Variants in ZNF366 observed in about 807,000 individuals in gnomAD.
ZNF366 encodes the protein dendritic cell-specific transcript protein.
Under a neutral mutation model 47.2 loss-of-function variants are expected in ZNF366, and 20 were observed. The observed-to-expected ratio is 0.42, with a 90% confidence interval of 0.30 to 0.62. The LOEUF (loss-of-function observed/expected upper bound fraction) is 0.62. ZNF366 is among the 20% of genes least tolerant of loss of function. The pLI is 0.16. For missense variants in ZNF366, 987 were observed against 976.3 expected (o/e 1.01, Z -0.15); for synonymous variants, 421 against 395.1 (o/e 1.07, Z -0.78).
intron 2 of ZNF366, 144 bp downstream of exon 2, chr5:72,460,021 G>A (rs548877924): frequency 1.7e-6 from 2 of 1,146,754 alleles, no homozygotes; most frequent in Non-Finnish European, 1.2e-6. Context: ...CTCAGGGCTC[G>A]GCCAAGGGAC....
At chr5:72,493,130 T>C (rs773964267) in intron 1 of ZNF366, among the ~76,000 whole-genome samples, 4 of 152,232 alleles carry the variant, frequency 2.6e-5, no homozygotes, top group African/African-American at 4.8e-5. Context: ...ACTGCCCTTA[T>C]TCCTACTTCA....
chr5:72,494,583 G>A (rs1257536015), intron 1 of ZNF366, among the ~76,000 whole-genome samples: 1 of 151,284 alleles, frequency 6.6e-6, no homozygotes, highest in Non-Finnish European at 1.5e-5. Context: ...GGGAAATTCA[G>A]CTCCTTTAAA....
chr5:72,446,690 G>A (rs1742966862), intron 4 of ZNF366, among the ~76,000 whole-genome samples: 1 of 152,166 alleles, frequency 6.6e-6, no homozygotes, highest in East Asian at 1.9e-4. Context: ...TTGTGAACAA[G>A]TAGGAAAGAC....
chr5:72,501,217 T>C (rs574511606), intron 1 of ZNF366, among the ~76,000 whole-genome samples: 21 of 152,284 alleles, frequency 1.4e-4, no homozygotes, highest in Non-Finnish European at 2.8e-4. Context: ...TAAATCACTC[T>C]CCCATTTAGT....
At chr5:72,458,878 C>T (rs1743246093) in intron 2 of ZNF366, among the ~76,000 whole-genome samples, 8 of 152,174 alleles carry the variant, frequency 5.3e-5, no homozygotes, top group Admixed American at 5.2e-4. Context: ...CTGTTTCTCC[C>T]ATTTTGACTT....
At chr5:72,466,557 G>C (rs1743433364) in intron 1 of ZNF366, among the ~76,000 whole-genome samples, 2 of 152,180 alleles carry the variant, frequency 1.3e-5, no homozygotes, top group Non-Finnish European at 2.9e-5. Flanking sequence ...GTGAAGACAG[G>C]GACTGGATCT....
chr5:72,482,835 T>C (rs1471614200), intron 1 of ZNF366, among the ~76,000 whole-genome samples: 1 of 151,468 alleles, frequency 6.6e-6, no homozygotes, highest in Non-Finnish European at 1.5e-5. Flanking sequence ...TTTAAGAAAA[T>C]CTGGCACTGT....
intron 3 of ZNF366, 122 bp from the exon 4 acceptor site, chr5:72,447,539 G>A (rs1742985036): frequency 1.7e-6 from 2 of 1,186,746 alleles, no homozygotes. Flanking sequence ...TGCTTGCAAG[G>A]AAAATGTCCA....
chr5:72,447,128 A>T, intron 4 of ZNF366, 115 bp downstream of exon 4: 1 of 1,169,452 alleles, frequency 8.6e-7, no homozygotes, highest in Non-Finnish European at 1.2e-6. Context: ...TACTCTTGCT[A>T]CTCTGCTGTG....
At chr5:72,491,170 T>A (rs1744001123) in intron 1 of ZNF366, among the ~76,000 whole-genome samples, 1 of 152,220 alleles carries the variant, frequency 6.6e-6, no homozygotes, top group Admixed American at 6.5e-5. Context: ...CAAGTTGGCC[T>A]AGTACAAGTT....
At chr5:72,473,309 T>A (rs903696047) in intron 1 of ZNF366, among the ~76,000 whole-genome samples, 1 of 152,186 alleles carries the variant, frequency 6.6e-6, no homozygotes, top group Non-Finnish European at 1.5e-5. Flanking sequence ...CTGTACCCAC[T>A]TGGTGCTGGT....
At chr5:72,495,644 G>T (rs905531101) in intron 1 of ZNF366, among the ~76,000 whole-genome samples, 1 of 152,190 alleles carries the variant, frequency 6.6e-6, no homozygotes, top group Non-Finnish European at 1.5e-5. Flanking sequence ...TGACATGCTG[G>T]CAGGGAAAGA....
At chr5:72,450,694 T>C (rs939207147) in intron 3 of ZNF366, among the ~76,000 whole-genome samples, 2 of 152,166 alleles carry the variant, frequency 1.3e-5, no homozygotes, top group Non-Finnish European at 2.9e-5. Flanking sequence ...GGTAGGTACT[T>C]AGCTTCTTCC....
chr5:72,456,452 G>A lies in ZNF366; in HGVS notation c.1476C>T (p.Leu492=). 1 of 1,613,712 alleles carries A rather than the reference G, an allele frequency of 6.2e-7. No homozygotes were observed. The highest frequency in any genetic ancestry group is 8.5e-7 in the Non-Finnish European group (1 of 1,179,662). Residue 492 remains leucine, a synonymous_variant, in exon 3 of 5, where the codon CTC becomes CTT. Transcript: ENST00000318442. The part of the protein sequence containing the change: ...CYKSFVQKQT[L]KAHMIVHSDV... ...CAGAGTGGACGATCATGTGTGCCTT[G>A]AGGGTCTGCTTCTGCACGAAGCTCT...
At chr5:72,467,976 C>T (rs755156446) in intron 1 of ZNF366, among the ~76,000 whole-genome samples, 2 of 152,078 alleles carry the variant, frequency 1.3e-5, no homozygotes, top group African/African-American at 2.4e-5. Context: ...CATGAACTGG[C>T]GGTTATCTTC....
In ZNF366 at chr5:72,456,698, G is replaced by C. The variant is rs1471601608; in HGVS notation, c.1333-103C>G. ...TCTCTGCCACATAAATCCACAAAGA[G>C]CTTGGTGATAGATGTTGAGTTTCAA... On this transcript the variant is annotated intron_variant, in intron 2 of 4. Coordinates refer to ENST00000318442, the MANE Select transcript of ZNF366 (RefSeq NM_152625.3). 3 of 1,201,520 alleles carry C rather than the reference G, an allele frequency of 2.5e-6. No homozygotes were observed. The African/African-American group carries it at 4.5e-5, about 18-fold the overall frequency. 74.4% of individuals were successfully genotyped at this position (1,201,520 alleles called of 1,614,324 possible). A position where few individuals can be genotyped will look rare whatever the true frequency, so the allele number is the denominator to read the frequency against.
At chr5:72,495,792 A>G (rs1026805384) in intron 1 of ZNF366, among the ~76,000 whole-genome samples, 6 of 152,124 alleles carry the variant, frequency 3.9e-5, no homozygotes, top group Non-Finnish European at 7.4e-5. Flanking sequence ...TTTGCCCACT[A>G]TAAAAGAGCT....
At chr5:72,464,845 G>T (rs567497704) in intron 1 of ZNF366, among the ~76,000 whole-genome samples, 10 of 152,104 alleles carry the variant, frequency 6.6e-5, no homozygotes, top group Non-Finnish European at 1.0e-4. Flanking sequence ...TGGATCATGA[G>T]GTCAGGAGTT....
chr5:72,449,396 G>A (rs1168770967), intron 3 of ZNF366, among the ~76,000 whole-genome samples: 1 of 152,048 alleles, frequency 6.6e-6, no homozygotes, highest in Non-Finnish European at 1.5e-5. Context: ...CAGGCGCCTG[G>A]CTAATTTTTG....
Sources: gnomAD v4.1 joint callset for allele counts (sites outside exome capture counted in the v4.1 genomes callset) on GRCh38, gnomAD v4.1.1 for gene constraint, MANE v1.5 for transcripts, NCBI Gene and HGNC (gene_info 2026-07-23, HGNC 2026-07-21) for gene names.